COL19A1: variants seen among roughly 807,000 people sequenced by gnomAD.
COL19A1 encodes collagen type XIX alpha 1 chain, also known as collagen alpha-1(XIX) chain.
In COL19A1, 159 loss-of-function variants were observed where a neutral mutation model predicts 190.2. The observed-to-expected ratio is 0.84, with a 90% CI of 0.73 to 0.95. The LOEUF (loss-of-function observed/expected upper bound fraction) is 0.95, where lower values mean the gene tolerates loss of function less well. Among genes scored for constraint, COL19A1 ranks in the 40% least tolerant of loss-of-function variants. The pLI is 0.00. For synonymous variants in COL19A1, 509 were observed against 458.9 expected (o/e 1.11, Z -1.39); for missense variants, 1,418 against 1,431.9 (o/e 0.99, Z 0.16).
chr6:70,113,842 CTTTTTTTTTTTTTT>C (rs34876942), intron 16 of COL19A1, among the ~76,000 whole-genome samples: 4 of 64,136 alleles, frequency 6.2e-5, no homozygotes, highest in Non-Finnish European at 1.1e-4. Flanking sequence ...CCAAGTCTTT[CTTTTTTTTTTTTTT>C]TTTTTTTTTT....
intron 17 of COL19A1, among the ~76,000 whole-genome samples, chr6:70,127,691 G>A (rs1785283271): frequency 1.3e-5 from 2 of 152,296 alleles, no homozygotes; most frequent in South Asian, 4.1e-4. Context: ...TAACATGGTG[G>A]CAGACATCAG....
chr6:69,979,009 T>C (rs887758918), intron 11 of COL19A1, among the ~76,000 whole-genome samples: 8 of 151,740 alleles, frequency 5.3e-5, no homozygotes, highest in African/African-American at 1.9e-4. Context: ...CCTCAAAAAA[T>C]ATAAAAAATT....
At chr6:69,889,580 C>G (rs1769190161) in intron 2 of COL19A1, among the ~76,000 whole-genome samples, 1 of 152,150 alleles carries the variant, frequency 6.6e-6, no homozygotes, top group Non-Finnish European at 1.5e-5. Context: ...TGTAAACGCA[C>G]CAATCAGCAC....
rs775759768 is a variant in COL19A1, at chr6:70,206,930, G to T, written c.3253G>T (p.Glu1085Ter). The change falls in exon 50 of 51, where the codon GAA becomes TAA. Residue 1085 changes from glutamate (E) to a stop codon, truncating the protein, a stop_gained. Transcript: ENST00000620364. LOFTEE classifies it high-confidence loss of function. ...CAGAGGACAGAAGGGAGAAAGAGGT[G>T]AACCTGGAATTGGGCTGCCAGGGAG... Reference protein sequence around the residue: ...GYRGQKGERGEPGIGLPGSPG... With the variant: ...GYRGQKGERG The T allele has an allele frequency of 3.7e-6, 6 of 1,613,892 alleles. No individual in the cohort carries two copies. The highest frequency in any genetic ancestry group is 3.4e-6 in the Non-Finnish European group (4 of 1,179,868).
intron 25 of COL19A1, among the ~76,000 whole-genome samples, chr6:70,145,893 A>G (rs1473069605): frequency 6.6e-6 from 1 of 151,590 alleles, no homozygotes; most frequent in Admixed American, 6.6e-5. Flanking sequence ...GCTGATTTTT[A>G]TATTTTTTGT....
intron 1 of COL19A1, among the ~76,000 whole-genome samples, chr6:69,866,944 C>CTAGGTGGTTTT (rs1253871438): frequency 6.6e-6 from 1 of 152,030 alleles, no homozygotes; most frequent in Non-Finnish European, 1.5e-5. Context: ...CACCTAAGTT[C>CTAGGTGGTTTT]TAGGTGGTTT....
chr6:69,989,130 T>TA (rs1562064494), intron 11 of COL19A1, among the ~76,000 whole-genome samples: 1 of 152,154 alleles, frequency 6.6e-6, no homozygotes, highest in African/African-American at 2.4e-5. Context: ...GGAATAGGTT[T>TA]CTAAGTAAAT....
intron 7 of COL19A1, among the ~76,000 whole-genome samples, chr6:69,936,328 G>C (rs1005981722): frequency 2.0e-5 from 3 of 152,026 alleles, no homozygotes; most frequent in Admixed American, 1.3e-4. Flanking sequence ...AGTGTAAAAA[G>C]AATTTATTTT....
intron 18 of COL19A1, among the ~76,000 whole-genome samples, chr6:70,133,861 C>CT (rs1243127136): frequency 1.3e-5 from 2 of 152,186 alleles, no homozygotes; most frequent in African/African-American, 4.8e-5. Flanking sequence ...AAAGAGGTCT[C>CT]TAAGATTTCC....
chr6:70,080,897 A>T (rs1319329442), intron 15 of COL19A1, among the ~76,000 whole-genome samples: 1 of 152,204 alleles, frequency 6.6e-6, no homozygotes, highest in Non-Finnish European at 1.5e-5. Context: ...CTATGGGCTT[A>T]AAAACCTTTT....
rs569037598 is a variant in COL19A1, at chr6:70,172,980, G to A, written c.2622+963G>A. ...GAATGCCTGGATTTGGATATATTTT[G>A]AAGGTAGCACTGATAGGATTTTCAG... On this transcript the variant is annotated intron_variant, in intron 41 of 50. Coordinates refer to ENST00000620364, the MANE Select transcript of COL19A1 (RefSeq NM_001858.6). 1.2e-4 allele frequency among the ~76,000 whole-genome samples: 18 copies of A among 152,314 alleles called. No individual in the cohort carries two copies. In the South Asian group the frequency reaches 3.7e-3, roughly 32 times the overall value.
chr6:70,156,422 A>G (rs1207142523), intron 33 of COL19A1, 53 bp downstream of exon 33: 2 of 1,549,916 alleles, frequency 1.3e-6, no homozygotes, highest in South Asian at 2.3e-5. Flanking sequence ...TTTAGTATGA[A>G]AAAAAGAACC....
chr6:70,142,689 T>C (rs966193067), intron 22 of COL19A1, 78 bp from the exon 23 acceptor site: 2 of 1,331,806 alleles, frequency 1.5e-6, no homozygotes, highest in Non-Finnish European at 2.1e-6. Flanking sequence ...CACACTATTC[T>C]TTACAAATAC....
At position 70,144,902 on chromosome 6, in the gene COL19A1, A is replaced by G; in HGVS notation, c.1681-16A>G. On this transcript the variant is annotated splice_polypyrimidine_tract_variant and intron_variant, in intron 24 of 50. Coordinates refer to ENST00000620364, the MANE Select transcript of COL19A1 (RefSeq NM_001858.6). ...ACCTGAGCATCAAAGTAAGAATCTT[A>G]CCTTGTTTTCTACAGGGAGATCCGG... 2 of 1,515,518 alleles carry G rather than the reference A, an allele frequency of 1.3e-6. No homozygotes were observed. Among genetic ancestry groups the G allele is most frequent in the Middle Eastern group, 1.7e-4 (1 of 5,922 alleles). 93.9% of individuals were successfully genotyped at this position (1,515,518 alleles called of 1,614,324 possible). A position where few individuals can be genotyped will look rare whatever the true frequency, so the allele number is the denominator to read the frequency against.
rs138814921 is a variant in COL19A1 at position 69,929,613 on chromosome 6, G to A, written c.579G>A (p.Ala193=). 6.8e-6 allele frequency: 11 copies of A among 1,613,808 alleles called. No individual in the cohort carries two copies. In the African/African-American group the frequency reaches 8.0e-5, roughly 12 times the overall value. ...TTTATATGGATTGTAATTTAATTGCGAGGAGGCAGACTGATGAAAAGGACA... is the reference window on the plus strand; with the variant it reads ...TTTATATGGATTGTAATTTAATTGCAAGGAGGCAGACTGATGAAAAGGACA... ...ISLYMDCNLI[A]RRQTDEKDTV... The change falls in exon 6 of 51, where the codon GCG becomes GCA. Residue 193 remains alanine, a synonymous_variant. Transcript: ENST00000620364.
Position 70,187,388 on chromosome 6 carries a change from T to C in COL19A1, c.2857-687T>C, listed in dbSNP as rs1260777915. Among the ~76,000 whole-genome samples, 4 of 152,010 alleles carry C rather than the reference T, an allele frequency of 2.6e-5. No individual in the cohort carries two copies. In the East Asian group the frequency reaches 5.8e-4, roughly 22 times the overall value. The stretch of plus-strand genomic sequence containing the variant: ...ATACAGAAAACAAACCTGAAGAGTC[T>C]AATAAAGCACAAACAAACAGGGGAA... On this transcript the variant is annotated intron_variant, in intron 46 of 50. Transcript: ENST00000620364.
chr6:70,184,940 T>C, intron 46 of COL19A1, 25 bp downstream of exon 46: 1 of 1,603,198 alleles, frequency 6.2e-7, no homozygotes, highest in Non-Finnish European at 8.5e-7. Context: ...ATTGTGATTG[T>C]TATTCAAGTC....
intron 15 of COL19A1, among the ~76,000 whole-genome samples, chr6:70,089,772 T>A (rs548118941): frequency 6.6e-6 from 1 of 152,290 alleles, no homozygotes; most frequent in South Asian, 2.1e-4. Context: ...ATTATTAATA[T>A]CCTTTTATAA....
At position 70,168,307 on chromosome 6, in the gene COL19A1, G is replaced by C. The variant is rs151145817; in HGVS notation, c.2541+92G>C. 281 of 1,367,960 alleles carry C rather than the reference G, an allele frequency of 2.1e-4. 3 individuals are homozygous for C. In the South Asian group the frequency reaches 3.2e-3, roughly 16 times the overall value. 84.7% of individuals were successfully genotyped at this position (1,367,960 alleles called of 1,614,324 possible). A position where few individuals can be genotyped will look rare whatever the true frequency, so the allele number is the denominator to read the frequency against. ...AAACCTCTTAAGTTCACTGAAAAAC[G>C]CATGTTATGAATACAGCCAAATTTT... On this transcript the variant is annotated intron_variant, in intron 39 of 50. Transcript: ENST00000620364.
Sources: allele counts gnomAD v4.1 joint callset (sites outside exome capture counted in the v4.1 genomes callset), GRCh38; gene constraint gnomAD v4.1.1; transcripts MANE v1.5; gene names NCBI Gene and HGNC (gene_info 2026-07-23, HGNC 2026-07-21).